GABRA3: variants seen among roughly 807,000 people sequenced by gnomAD.
The protein encoded by GABRA3 is gamma-aminobutyric acid type A receptor subunit alpha3.
GABRA3 carries 10 observed loss-of-function variants against 30.1 expected under a neutral mutation model. The ratio of observed to expected loss-of-function variants is 0.33; its 90% CI spans 0.20 to 0.56. The LOEUF is 0.56. Ranked by LOEUF, GABRA3 falls within the 20% of genes least tolerant of loss-of-function variation. GABRA3 has a pLI of 0.89. For synonymous variants in GABRA3, 151 were observed against 146.8 expected, an observed-to-expected ratio of 1.03 and a Z score of -0.21; for missense variants, 233 against 392.0, an observed-to-expected ratio of 0.59 and a Z score of 3.42.
At chrX:152,369,069 T>C (rs2124498261) in intron 1 of GABRA3, among the ~76,000 whole-genome samples, 1 of 111,561 alleles carries the variant, frequency 9.0e-6, no homozygotes, top group East Asian at 2.8e-4. Flanking sequence ...TAATTTGCAT[T>C]CCCACCAACA....
chrX:152,286,633 T>C (rs1231554150), intron 3 of GABRA3, among the ~76,000 whole-genome samples: 2 of 111,615 alleles, frequency 1.8e-5, no homozygotes, highest in African/African-American at 6.5e-5. Flanking sequence ...CCCAAATGTA[T>C]TTTAGCTCTC....
rs979431376 is a variant in GABRA3, at chrX:152,371,709, T to C, written c.-26-7113A>G. 5.4e-5 allele frequency among the ~76,000 whole-genome samples: 6 copies of C among 111,559 alleles called. No homozygotes were observed. In the South Asian group the frequency reaches 2.3e-3, roughly 42 times the overall value. ...CTCAACTTCCTCAACAATCATTCCC[T>C]CATACTATCTATATCAATCAAGTAT... is the stretch of plus-strand genomic sequence containing the variant. On this transcript the variant is annotated intron_variant, in intron 1 of 9. Transcript: ENST00000370314.
intron 5 of GABRA3, among the ~76,000 whole-genome samples, chrX:152,246,289 C>T (rs1323817524): frequency 8.9e-6 from 1 of 111,832 alleles, no homozygotes; most frequent in Non-Finnish European, 1.9e-5. Flanking sequence ...ACTCAATTTG[C>T]CTGGAGACCA....
intron 3 of GABRA3, among the ~76,000 whole-genome samples, chrX:152,289,456 G>T (rs1939357720): frequency 9.2e-6 from 1 of 108,626 alleles, no homozygotes; most frequent in African/African-American, 3.3e-5. Flanking sequence ...GACTTATTTT[G>T]ATTATGTCTC....
Position 152,367,673 on chromosome X carries a change from T to G in GABRA3, c.-26-3077A>C, listed in dbSNP as rs558843150. 8.1e-5 allele frequency among the ~76,000 whole-genome samples: 9 copies of G among 111,296 alleles called. No individual in the cohort carries two copies. The East Asian group carries it at 2.0e-3, about 25-fold the overall frequency. The stretch of plus-strand genomic sequence containing the variant: ...AAACCCAGGTTAGGTTTAAGATACC[T>G]CTCACAAAACTCTGTACCTAAATGT... On this transcript the variant is annotated intron_variant, in intron 1 of 9. Coordinates refer to ENST00000370314, the MANE Select transcript of GABRA3 (RefSeq NM_000808.4).
rs1402836177 is a variant in GABRA3, at chrX:152,168,582, A to T, written c.1144-19T>A. The T allele has an allele frequency of 9.0e-7, 1 of 1,109,750 alleles. No homozygotes were observed. The highest frequency in any genetic ancestry group is 1.2e-6 in the Non-Finnish European group (1 of 810,370). 91.5% of individuals were successfully genotyped at this position (1,109,750 alleles called of 1,213,427 possible). Reference sequence around the variant, plus strand: ...TTTTCTTCTAGAGGCCAGGAAAAAGAGGGGGGGAAAGGGAGAAAAAAGCAA... The same window carrying T: ...TTTTCTTCTAGAGGCCAGGAAAAAGTGGGGGGGAAAGGGAGAAAAAAGCAA... On this transcript the variant is annotated intron_variant, in intron 9 of 9. Transcript: ENST00000370314.
chrX:152,354,194 G>A (rs1003768038), intron 2 of GABRA3, among the ~76,000 whole-genome samples: 1 of 111,299 alleles, frequency 9.0e-6, no homozygotes, highest in Non-Finnish European at 1.9e-5. Flanking sequence ...TAATAGCATG[G>A]ACTCTGGAAC....
chrX:152,415,779 C>A (rs900314715), intron 1 of GABRA3, among the ~76,000 whole-genome samples: 2 of 111,150 alleles, frequency 1.8e-5, no homozygotes, highest in Non-Finnish European at 3.8e-5. Flanking sequence ...TGCGACTTCC[C>A]ATGAGTTTAT....
At chrX:152,392,267 C>T in intron 1 of GABRA3, 1 of 386,916 alleles carries the variant, frequency 2.6e-6, no homozygotes, top group Non-Finnish European at 5.2e-6. Flanking sequence ...GAGCAGCCAC[C>T]ACAGGAGTCT....
chrX:152,404,614 T>TA (rs2124524871), intron 1 of GABRA3, among the ~76,000 whole-genome samples: 1 of 110,106 alleles, frequency 9.1e-6, no homozygotes, highest in Non-Finnish European at 1.9e-5. Context: ...CATCCAGCAG[T>TA]ACAGGTAGTC....
intron 9 of GABRA3, among the ~76,000 whole-genome samples, chrX:152,182,407 A>G (rs995890021): frequency 2.1e-4 from 20 of 93,752 alleles, no homozygotes; most frequent in African/African-American, 7.1e-4. Flanking sequence ...TAGTATATAT[A>G]GACACACTAT....
chrX:152,199,196 C>G (rs1228704749), intron 7 of GABRA3, among the ~76,000 whole-genome samples: 5 of 107,926 alleles, frequency 4.6e-5, no homozygotes, highest in African/African-American at 1.3e-4. Flanking sequence ...GAAACCCCAT[C>G]TCTACTAAAA....
At chrX:152,306,567 G>A (rs1939723859) in intron 3 of GABRA3, among the ~76,000 whole-genome samples, 1 of 111,552 alleles carries the variant, frequency 9.0e-6, no homozygotes, top group Admixed American at 9.5e-5. Flanking sequence ...AGTTAATATG[G>A]TGGGTCTGGC....
intron 5 of GABRA3, among the ~76,000 whole-genome samples, chrX:152,252,629 A>C (rs998430119): frequency 4.5e-5 from 5 of 111,827 alleles, no homozygotes; most frequent in Non-Finnish European, 7.5e-5. Flanking sequence ...GTTATTATTG[A>C]TAACTCTCAT....
intron 3 of GABRA3, among the ~76,000 whole-genome samples, chrX:152,296,716 T>C (rs1400492011): frequency 9.1e-6 from 1 of 109,321 alleles, no homozygotes; most frequent in South Asian, 4.0e-4. Context: ...TTTTTTTTTT[T>C]TGAGACAGAG....
At chrX:152,262,955 C>T (rs1938756730) in intron 4 of GABRA3, among the ~76,000 whole-genome samples, 1 of 111,716 alleles carries the variant, frequency 9.0e-6, no homozygotes, top group African/African-American at 3.3e-5. Flanking sequence ...TTCAGCATGG[C>T]TGGGGGGGCC....
intron 1 of GABRA3, among the ~76,000 whole-genome samples, chrX:152,407,216 A>T (rs1030723562): frequency 8.9e-6 from 1 of 111,830 alleles, no homozygotes; most frequent in Non-Finnish European, 1.9e-5. Context: ...AGTAGAAGAA[A>T]GGAAATAATA....
At chrX:152,392,348 T>G (rs192038197) in intron 1 of GABRA3, 42 of 371,167 alleles carry the variant, frequency 1.1e-4, no homozygotes, top group African/African-American at 7.2e-4. Flanking sequence ...GAGTAGATAC[T>G]GAGGACGAAG....
intron 3 of GABRA3, among the ~76,000 whole-genome samples, chrX:152,293,012 A>C (rs1939450662): frequency 9.0e-6 from 1 of 111,379 alleles, no homozygotes; most frequent in South Asian, 3.8e-4. Context: ...TGGTGCTGAA[A>C]AGAATGTATA....
Sources: allele counts gnomAD v4.1 joint callset (sites outside exome capture counted in the v4.1 genomes callset), GRCh38; gene constraint gnomAD v4.1.1; transcripts MANE v1.5; gene names NCBI Gene and HGNC (gene_info 2026-07-23, HGNC 2026-07-21).